PLOD1: variants seen among roughly 807,000 people sequenced by gnomAD.
The protein encoded by PLOD1 is lysine hydroxylase.
A neutral mutation model predicts 94.7 loss-of-function variants in PLOD1; 70 were observed. That is an observed-to-expected ratio of 0.74 (90% CI 0.61 to 0.90). The LOEUF (loss-of-function observed/expected upper bound fraction) is 0.90. Ranked by LOEUF, PLOD1 falls within the 40% of genes least tolerant of loss-of-function variation. PLOD1 has a pLI of 0.00. For missense variants in PLOD1, 905 were observed against 972.7 expected (o/e 0.93, Z 0.93); for synonymous variants, 417 against 400.2 (o/e 1.04, Z -0.50).
chr1:11,964,387 GTTC>G, intron 12 of PLOD1, 87 bp downstream of exon 12: 1 of 1,374,414 alleles, frequency 7.3e-7, no homozygotes, highest in East Asian at 2.3e-5. Flanking sequence ...TATTATTCCT[GTTC>G]TTGTTACCCT....
At chr1:11,955,709 C>T (rs952394135) in intron 6 of PLOD1, among the ~76,000 whole-genome samples, 6 of 152,058 alleles carry the variant, frequency 3.9e-5, no homozygotes, top group Non-Finnish European at 5.9e-5. Context: ...CTGCAACCTC[C>T]GCCTCCCAGG....
chr1:11,966,363 G>A, intron 15 of PLOD1, 47 bp downstream of exon 15: 1 of 1,416,270 alleles, frequency 7.1e-7, no homozygotes. Flanking sequence ...CTGCTGCAGG[G>A]GGCAGGGCAC....
chr1:11,941,281 C>T (rs1245761507), intron 1 of PLOD1, among the ~76,000 whole-genome samples: 1 of 151,406 alleles, frequency 6.6e-6, no homozygotes, highest in Non-Finnish European at 1.5e-5. Context: ...CTTGCTCTGT[C>T]ACCCAGGCTA....
chr1:11,954,186 G>A (rs949343472), intron 5 of PLOD1: 16 of 143,876 alleles, frequency 1.1e-4, no homozygotes, highest in African/African-American at 4.3e-4. Context: ...ATTTGGAGTA[G>A]CGGCCAGGTG....
chr1:11,945,988 T>C (rs546117695), intron 1 of PLOD1, among the ~76,000 whole-genome samples: 1 of 152,210 alleles, frequency 6.6e-6, no homozygotes, highest in East Asian at 1.9e-4. Flanking sequence ...GGATTACCGG[T>C]GTGAGCCACT....
At chr1:11,966,076 C>G (rs1645815177) in intron 14 of PLOD1, among the ~76,000 whole-genome samples, 175 bp from the exon 15 acceptor site, 2 of 152,116 alleles carry the variant, frequency 1.3e-5, no homozygotes, top group Admixed American at 6.5e-5. Flanking sequence ...CAAACACCAC[C>G]TCCTATGGGC....
In PLOD1 at chr1:11,964,639, C is replaced by T. The variant is rs1344181680; in HGVS notation, c.1329-5C>T. 7 of 1,613,116 alleles carry T rather than the reference C, an allele frequency of 4.3e-6. 1 individual carries two copies. The South Asian group carries it at 6.6e-5, about 15-fold the overall frequency. ...ACCCCCACCCGCTTTCTGTCTCTCC[C>T]ACAGTGGTGTCTGGAATGTGCCCTA... On this transcript the variant is annotated splice_region_variant and splice_polypyrimidine_tract_variant and intron_variant, in intron 12 of 18. Transcript: ENST00000196061.
Position 11,974,818 on chromosome 1 carries a change from C to T in PLOD1, c.*10C>T. The stretch of plus-strand genomic sequence containing the variant: ...CTTCGTCGATCCCTAATTGGCCAGG[C>T]CTGACCCTCTTGGACCTTTCTTCTT... On this transcript the variant is annotated 3_prime_UTR_variant, in exon 19 of 19. Coordinates refer to ENST00000196061, the MANE Select transcript of PLOD1 (RefSeq NM_000302.4). 2 of 1,613,978 alleles carry T rather than the reference C, an allele frequency of 1.2e-6. No homozygotes were observed. The highest frequency in any genetic ancestry group is 1.7e-6 in the Non-Finnish European group (2 of 1,179,848).
At position 11,958,502 on chromosome 1, in the gene PLOD1, C is replaced by T. The variant is rs1645754965; in HGVS notation, c.844-14C>T. ...GGACACTGCTGGACTCTTGTGCCGC[C>T]CTCCCTGGTGCAGGATGAAGCTCTG... On this transcript the variant is annotated splice_polypyrimidine_tract_variant and intron_variant, in intron 8 of 18. Coordinates refer to ENST00000196061, the MANE Select transcript of PLOD1 (RefSeq NM_000302.4). This position sits in a 1 kb window ranked among gnomAD's most constrained non-coding sequence, Gnocchi z 4.3. The T allele has an allele frequency of 3.7e-6, 6 of 1,613,288 alleles. No homozygotes were observed. Among genetic ancestry groups the T allele is most frequent in the Non-Finnish European group, 5.1e-6 (6 of 1,179,780 alleles).
At chr1:11,943,075 C>G (rs931667829) in intron 1 of PLOD1, among the ~76,000 whole-genome samples, 2 of 152,142 alleles carry the variant, frequency 1.3e-5, no homozygotes, top group African/African-American at 4.8e-5. Context: ...CAATCTCTGC[C>G]CCCTGGGTTC....
chr1:11,957,106 G>T lies in PLOD1; in HGVS notation c.741+92G>T. On this transcript the variant is annotated intron_variant, in intron 7 of 18. Transcript: ENST00000196061. This position sits in a 1 kb window ranked among gnomAD's most constrained non-coding sequence, Gnocchi z 4.1. ...ACCCCACAGTGTCTCCCTGGGGCCA[G>T]GGCCACCTTCCTGGGGCCTGCTATG... 1.1e-6 allele frequency: 1 copy of T among 872,878 alleles called. No individual in the cohort carries two copies. Among genetic ancestry groups the T allele is most frequent in the Non-Finnish European group, 2.0e-6 (1 of 504,040 alleles). 54.1% of individuals were successfully genotyped at this position (872,878 alleles called of 1,614,324 possible).
At chr1:11,960,934 A>T (rs1345381327) in intron 10 of PLOD1, among the ~76,000 whole-genome samples, 167 bp downstream of exon 10, 1 of 152,052 alleles carries the variant, frequency 6.6e-6, no homozygotes, top group Non-Finnish European at 1.5e-5. Context: ...AAGGGGAAAT[A>T]GCCTCTGTCC....
At chr1:11,953,754 T>G (rs902602540) in intron 5 of PLOD1, among the ~76,000 whole-genome samples, 1 of 151,584 alleles carries the variant, frequency 6.6e-6, no homozygotes, top group African/African-American at 2.4e-5. Context: ...ATTGTGCCAT[T>G]GCACTGCAGC....
rs541333641 is a variant in PLOD1, at chr1:11,950,586, C to A, written c.466+66C>A. ...GTCCATCTACTGCCTTTGTGGGGAC[C>A]CCCCTTGTTTGACGTGCAATCTGGG... On this transcript the variant is annotated intron_variant, in intron 4 of 18. Coordinates refer to ENST00000196061, the MANE Select transcript of PLOD1 (RefSeq NM_000302.4). 1.1e-5 allele frequency: 17 copies of A among 1,495,616 alleles called. No homozygotes were observed. In the African/African-American group the frequency reaches 1.5e-4, roughly 13 times the overall value. 92.6% of individuals were successfully genotyped at this position (1,495,616 alleles called of 1,614,324 possible).
intron 4 of PLOD1, among the ~76,000 whole-genome samples, chr1:11,951,982 G>A (rs1007533288): frequency 2.6e-5 from 4 of 152,318 alleles, no homozygotes; most frequent in Middle Eastern, 3.4e-3. Context: ...TCCACTGCAC[G>A]GAGAATAAAA....
At chr1:11,946,187 G>C (rs999123291) in intron 1 of PLOD1, among the ~76,000 whole-genome samples, 1 of 152,216 alleles carries the variant, frequency 6.6e-6, no homozygotes, top group African/African-American at 2.4e-5. Context: ...CTATTAAGGA[G>C]CAGAGCTAGG....
rs886045211 is a variant in PLOD1 at position 11,974,956 on chromosome 1, C to T, written c.*148C>T. ...CTTGGAGCCACCAATCAAAGAGATT[C>T]AAAGAGATTCCTGCAGGCCAGAGGC... On this transcript the variant is annotated 3_prime_UTR_variant, in exon 19 of 19. Transcript: ENST00000196061. 1.2e-6 allele frequency: 1 copy of T among 808,856 alleles called. No homozygotes were observed. The highest frequency in any genetic ancestry group is 1.9e-5 in the Admixed American group (1 of 53,282). The allele number at this position is 808,856 out of a possible 1,614,324, so 50.1% of individuals were successfully genotyped here. A position where few individuals can be genotyped will look rare whatever the true frequency, so the allele number is the denominator to read the frequency against.
intron 16 of PLOD1, among the ~76,000 whole-genome samples, chr1:11,968,813 G>T (rs1428976647): frequency 6.8e-6 from 1 of 146,972 alleles, no homozygotes; most frequent in Non-Finnish European, 1.5e-5. Context: ...ACCGCACCGG[G>T]CACCCCACCT....
intron 18 of PLOD1, among the ~76,000 whole-genome samples, 161 bp from the exon 19 acceptor site, chr1:11,974,491 TC>T (rs1408506781): frequency 1.1e-4 from 16 of 152,290 alleles, no homozygotes; most frequent in African/African-American, 3.6e-4. Flanking sequence ...CCACTACTCT[TC>T]ATTTAGTGTC....
Sources: allele counts gnomAD v4.1 joint callset (sites outside exome capture counted in the v4.1 genomes callset), GRCh38; gene constraint gnomAD v4.1.1; non-coding constraint Gnocchi (gnomAD v3.1); transcripts MANE v1.5; gene names NCBI Gene and HGNC (gene_info 2026-07-23, HGNC 2026-07-21).